Variants in MBTPS1 observed in about 807,000 individuals in gnomAD.
MBTPS1 encodes the protein membrane bound transcription factor peptidase, site 1, also known as membrane-bound transcription factor site-1 protease.
In MBTPS1, 94 loss-of-function variants were observed where a neutral mutation model predicts 127.8. That is an observed-to-expected ratio of 0.74 (90% CI 0.62 to 0.87). MBTPS1 has a LOEUF of 0.87. Among genes scored for constraint, MBTPS1 ranks in the 40% least tolerant of loss-of-function variants. The probability of loss-of-function intolerance (pLI) is 0.00; values close to 1 mark genes in which losing one functional copy is unlikely to be tolerated. For synonymous variants in MBTPS1, 632 were observed against 509.4 expected (o/e 1.24, Z -3.24); for missense variants, 1,636 against 1,353.2 (o/e 1.21, Z -3.28).
chr16:84,055,997 G>C lies in MBTPS1; in HGVS notation c.2962+8C>G, dbSNP rs1209858875. 1 of 1,609,152 alleles carries C rather than the reference G, an allele frequency of 6.2e-7. No individual in the cohort carries two copies. Among genetic ancestry groups the C allele is most frequent in the East Asian group, 2.2e-5 (1 of 44,696 alleles). On this transcript the variant is annotated splice_region_variant and intron_variant, in intron 22 of 22. Transcript: ENST00000343411. ...CTGAGCACAATCACAAAGCAGCCGA[G>C]AACTCACCTCCAGGAATGTCCCAGG... is the stretch of plus-strand genomic sequence containing the variant.
At chr16:84,105,537 C>T (rs940204326) in intron 1 of MBTPS1, among the ~76,000 whole-genome samples, 20 of 151,956 alleles carry the variant, frequency 1.3e-4, no homozygotes, top group African/African-American at 4.6e-4. Context: ...GAAAGATGGG[C>T]GTGAGGGAGG....
chr16:84,114,395 C>A (rs763908730), intron 1 of MBTPS1, among the ~76,000 whole-genome samples: 1 of 152,078 alleles, frequency 6.6e-6, no homozygotes, highest in Admixed American at 6.5e-5. Flanking sequence ...GAGTGAGAAA[C>A]CTTGGTCTGT....
Position 84,054,346 on chromosome 16 carries a change from G to A in MBTPS1, c.*103C>T, listed in dbSNP as rs2085483792. On this transcript the variant is annotated 3_prime_UTR_variant, in exon 23 of 23. Coordinates refer to ENST00000343411, the MANE Select transcript of MBTPS1 (RefSeq NM_003791.4). ...ACAGACTCTAACAAACCTGCAGCTG[G>A]AAACTGGATCCCTTTTAAACCAGCC... is the stretch of plus-strand genomic sequence containing the variant. 2 of 1,063,420 alleles carry A rather than the reference G, an allele frequency of 1.9e-6. No individual in the cohort carries two copies. Among genetic ancestry groups the A allele is most frequent in the Non-Finnish European group, 2.6e-6 (2 of 764,024 alleles). The allele number at this position is 1,063,420 out of a possible 1,614,324, so 65.9% of individuals were successfully genotyped here.
In MBTPS1 at chr16:84,054,470, C is replaced by T. The variant is rs374772094; in HGVS notation, c.3138G>A (p.Pro1046=). The T allele has an allele frequency of 1.4e-5, 22 of 1,607,102 alleles. No individual in the cohort carries two copies. The highest frequency in any genetic ancestry group is 1.7e-5 in the Non-Finnish European group (20 of 1,176,366). Residue 1046 remains proline (P), a synonymous_variant, in exon 23 of 23, where the codon CCG becomes CCA. Transcript: ENST00000343411. ...KRPQLMQQVH[P]PKTPSV ...CCGGTCACACCGAAGGGGTCTTTGGCGGGTGAACCTGCTGCATGAGCTGCG... is the reference window on the plus strand; with the variant it reads ...CCGGTCACACCGAAGGGGTCTTTGGTGGGTGAACCTGCTGCATGAGCTGCG...
intron 2 of MBTPS1, among the ~76,000 whole-genome samples, chr16:84,100,983 G>A (rs1463836307): frequency 1.9e-4 from 23 of 122,984 alleles, no homozygotes; most frequent in South Asian, 2.7e-4. Flanking sequence ...CTGAAACCCC[G>A]TCTCTACTAA....
chr16:84,091,285 A>C (rs938152517), intron 7 of MBTPS1, among the ~76,000 whole-genome samples: 5 of 152,118 alleles, frequency 3.3e-5, no homozygotes, highest in African/African-American at 1.2e-4. Context: ...CAGGAGTTGG[A>C]GACCAGCCTG....
At chr16:84,056,735 G>C (rs1020247513) in intron 21 of MBTPS1, 1 of 152,408 alleles carries the variant, frequency 6.6e-6, no homozygotes, top group African/African-American at 2.4e-5. Context: ...CTGCAGGCGG[G>C]GGACGATCAA....
chr16:84,081,679 G>A, intron 11 of MBTPS1, 68 bp downstream of exon 11: 1 of 1,200,446 alleles, frequency 8.3e-7, no homozygotes, highest in Non-Finnish European at 1.1e-6. Flanking sequence ...TGTATTTTGT[G>A]CAGAGGGAAA....
Position 84,067,774 on chromosome 16 carries a change from G to A in MBTPS1, c.2121C>T (p.Ile707=), listed in dbSNP as rs779062680. 78 of 1,614,092 alleles carry A rather than the reference G, an allele frequency of 4.8e-5. No individual in the cohort carries two copies. Among genetic ancestry groups the A allele is most frequent in the Non-Finnish European group, 5.9e-5 (70 of 1,179,946 alleles). ...DSEEEYFPEE[I]AKLRRDVDNG... Reference sequence around the variant, plus strand: ...TGTCCACGTCCCTCCGGAGCTTGGCGATCTCTTCAGGGAAGTACTCCTCCT... The same window carrying A: ...TGTCCACGTCCCTCCGGAGCTTGGCAATCTCTTCAGGGAAGTACTCCTCCT... The change falls in exon 16 of 23, where the codon ATC becomes ATT. Residue 707 remains isoleucine, a synonymous_variant. Coordinates refer to ENST00000343411, the MANE Select transcript of MBTPS1 (RefSeq NM_003791.4).
chr16:84,076,200 G>A (rs1454874949), intron 11 of MBTPS1, among the ~76,000 whole-genome samples: 1 of 152,122 alleles, frequency 6.6e-6, no homozygotes, highest in East Asian at 1.9e-4. Context: ...TCTAGATGCT[G>A]AAAAAACATA....
At chr16:84,092,083 G>T (rs933230664) in intron 6 of MBTPS1, among the ~76,000 whole-genome samples, 5 of 152,100 alleles carry the variant, frequency 3.3e-5, no homozygotes, top group Non-Finnish European at 5.9e-5. Context: ...TTCTGCAGGT[G>T]GCCTATCTCT....
intron 10 of MBTPS1, among the ~76,000 whole-genome samples, chr16:84,084,460 T>C (rs991921416): frequency 6.6e-6 from 1 of 152,222 alleles, no homozygotes; most frequent in African/African-American, 2.4e-5. Flanking sequence ...TGTGAGAAGA[T>C]GGATGTGTTC....
At chr16:84,102,312 T>C (rs886693004) in intron 1 of MBTPS1, among the ~76,000 whole-genome samples, 1 of 152,116 alleles carries the variant, frequency 6.6e-6, no homozygotes, top group Non-Finnish European at 1.5e-5. Flanking sequence ...TGAGACCCTA[T>C]GTCTAAAATA....
intron 3 of MBTPS1, among the ~76,000 whole-genome samples, 168 bp downstream of exon 3, chr16:84,098,885 C>T (rs370756935): frequency 2.0e-5 from 3 of 151,998 alleles, no homozygotes; most frequent in Admixed American, 6.6e-5. Context: ...ACCGACCCTG[C>T]GCACTAAACA....
intron 1 of MBTPS1, among the ~76,000 whole-genome samples, chr16:84,114,550 G>C (rs193145682): frequency 6.6e-6 from 1 of 152,024 alleles, no homozygotes; most frequent in African/African-American, 2.4e-5. Flanking sequence ...CCTTTCCTCA[G>C]CTGGGCGCGG....
chr16:84,107,532 A>T (rs964847140), intron 1 of MBTPS1, among the ~76,000 whole-genome samples: 1 of 152,180 alleles, frequency 6.6e-6, no homozygotes, highest in Non-Finnish European at 1.5e-5. Context: ...AAAATATGGC[A>T]ACAGATCCTG....
At chr16:84,069,500 C>T (rs1038984226) in intron 14 of MBTPS1, among the ~76,000 whole-genome samples, 1 of 152,186 alleles carries the variant, frequency 6.6e-6, no homozygotes, top group African/African-American at 2.4e-5. Context: ...CACTCAGGAG[C>T]TGCTGATGTG....
At chr16:84,106,568 A>G (rs1434674343) in intron 1 of MBTPS1, among the ~76,000 whole-genome samples, 4 of 152,186 alleles carry the variant, frequency 2.6e-5, no homozygotes, top group Admixed American at 6.5e-5. Flanking sequence ...GAAGCAAGGG[A>G]AAGCCAAAGA....
In MBTPS1 at chr16:84,054,538, C is replaced by T; in HGVS notation, c.3070G>A (p.Ala1024Thr). 1 of 1,614,020 alleles carries T rather than the reference C, an allele frequency of 6.2e-7. No homozygotes were observed. The highest frequency in any genetic ancestry group is 2.2e-5 in the East Asian group (1 of 44,858). ...LAFFVVQINK[A>T]KSRPKRRKPR... is the part of the protein sequence containing the mutation. ...TTCCTCCGCTTCGGCCTGCTCTTGG[C>T]CTTGTTGATTTGTACCACAAAGAAG... Residue 1024 changes from alanine (A) to threonine (T), a missense_variant, in exon 23 of 23, where the codon GCC becomes ACC. Transcript: ENST00000343411.
Sources: gnomAD v4.1 joint callset for allele counts (sites outside exome capture counted in the v4.1 genomes callset) on GRCh38, gnomAD v4.1.1 for gene constraint, MANE v1.5 for transcripts, NCBI Gene and HGNC (gene_info 2026-07-23, HGNC 2026-07-21) for gene names.